Variants in USP5 observed in about 807,000 individuals in gnomAD.
USP5 encodes the protein ubiquitin carboxyl-terminal hydrolase 5.
A neutral mutation model predicts 102.5 loss-of-function variants in USP5; 24 were observed. That is an observed-to-expected ratio of 0.23 (90% CI 0.17 to 0.33). The LOEUF is 0.33. Among genes scored for constraint, USP5 ranks in the 10% least tolerant of loss-of-function variants. The pLI is 1.00. For synonymous variants in USP5, 460 were observed against 434.8 expected, an observed-to-expected ratio of 1.06 and a Z score of -0.72; for missense variants, 753 against 1,122.1, an observed-to-expected ratio of 0.67 and a Z score of 4.70.
rs574311901 is a variant in USP5 at position 6,864,637 on chromosome 12, C to T, written c.2245-85C>T. ...CCGGGAGGCGGAGCTTGCAGTGAGC[C>T]GAGATCGCGCCACTGCACTCCAGCC... On this transcript the variant is annotated intron_variant, in intron 17 of 19. Coordinates refer to ENST00000229268, the MANE Select transcript of USP5 (RefSeq NM_001098536.2). This position sits in a 1 kb window ranked among gnomAD's most constrained non-coding sequence, Gnocchi z 4.8. 247 of 1,467,852 alleles carry T rather than the reference C, an allele frequency of 1.7e-4. 3 individuals carry two copies. The South Asian group carries it at 2.5e-3, about 15-fold the overall frequency. 90.9% of individuals were successfully genotyped at this position (1,467,852 alleles called of 1,614,324 possible).
At chr12:6,852,731 G>A (rs1228503000) in intron 1 of USP5, among the ~76,000 whole-genome samples, 1 of 152,202 alleles carries the variant, frequency 6.6e-6, no homozygotes, top group African/African-American at 2.4e-5. Flanking sequence ...GGGGGGTGGG[G>A]ACCGCAGTTC....
chr12:6,860,313 G>T lies in USP5; in HGVS notation c.1219-53G>T. On this transcript the variant is annotated intron_variant, in intron 10 of 19. Transcript: ENST00000229268. This position sits in a 1 kb window ranked among gnomAD's most constrained non-coding sequence, Gnocchi z 5.5. Reference sequence around the variant, plus strand: ...GAGGTCTGGGAGATGTCTAAAGAAGGCCCCTGGATGGCCACTGAGCCCCAG... The same window carrying T: ...GAGGTCTGGGAGATGTCTAAAGAAGTCCCCTGGATGGCCACTGAGCCCCAG... The T allele has an allele frequency of 6.2e-7, 1 of 1,613,332 alleles. No individual in the cohort carries two copies. Among genetic ancestry groups the T allele is most frequent in the Non-Finnish European group, 8.5e-7 (1 of 1,179,438 alleles).
chr12:6,865,944 C>G, intron 19 of USP5, 40 bp from the exon 20 acceptor site: 1 of 1,571,358 alleles, frequency 6.4e-7, no homozygotes, highest in South Asian at 1.1e-5. Flanking sequence ...CTTTGAATGC[C>G]CAGTTTGTTC....
intron 7 of USP5, 73 bp downstream of exon 7, chr12:6,857,796 G>A: frequency 6.7e-7 from 1 of 1,493,214 alleles, no homozygotes; most frequent in South Asian, 1.1e-5. Context: ...GCCTGAGGCT[G>A]AGGTAGGGTT....
chr12:6,865,153 T>G lies in USP5; in HGVS notation c.2399-11T>G. 2.5e-6 allele frequency: 4 copies of G among 1,608,794 alleles called. No homozygotes were observed. The highest frequency in any genetic ancestry group is 3.4e-6 in the Non-Finnish European group (4 of 1,175,312). On this transcript the variant is annotated splice_polypyrimidine_tract_variant and intron_variant, in intron 18 of 19. Transcript: ENST00000229268. ...CTGTTTCCTTCTCTGACCCCCTCTC[T>G]CCTTTCCTAGAGTATCAGCTCTTTG...
rs1190498669 is a variant in USP5 at position 6,864,415 on chromosome 12, C to T, written c.2244+220C>T. 1.3e-5 allele frequency among the ~76,000 whole-genome samples: 2 copies of T among 152,190 alleles called. No individual in the cohort carries two copies. Among genetic ancestry groups the T allele is most frequent in the African/African-American group, 2.4e-5 (1 of 41,446 alleles). On this transcript the variant is annotated intron_variant, in intron 17 of 19. Coordinates refer to ENST00000229268, the MANE Select transcript of USP5 (RefSeq NM_001098536.2). This position sits in a 1 kb window ranked among gnomAD's most constrained non-coding sequence, Gnocchi z 4.8. ...AATGTAATGCTTCTGTTTGGCCGGG[C>T]GCGGTGGCTCACGCCTGTAATCCCA...
rs1342858171 is a variant in USP5, at chr12:6,861,585, C to T, written c.1641C>T (p.Ser547=). The change falls in exon 13 of 20, where the codon AGC becomes AGT. Residue 547 remains serine (S), a synonymous_variant. Coordinates refer to ENST00000229268, the MANE Select transcript of USP5 (RefSeq NM_001098536.2). The surrounding 1 kb of genome is among the most constrained non-coding windows in gnomAD (Gnocchi z 4.9). ...GAPEQVDDFW[S]TALQAKSVAV... ...CTGAGCAGGTCGATGACTTCTGGAGCACGGCCCTGCAGGCCAAGTCAGTAG... is the reference window on the plus strand; with the variant it reads ...CTGAGCAGGTCGATGACTTCTGGAGTACGGCCCTGCAGGCCAAGTCAGTAG... 1.3e-6 allele frequency: 2 copies of T among 1,585,408 alleles called. No homozygotes were observed. Among genetic ancestry groups the T allele is most frequent in the East Asian group, 2.3e-5 (1 of 44,126 alleles).
rs1565532558 is a variant in USP5, at chr12:6,861,412, CGAAGG to C, written c.1499-30_1499-26del. 6.5e-7 allele frequency: 1 copy of C among 1,538,214 alleles called. No homozygotes were observed. Among genetic ancestry groups the C allele is most frequent in the South Asian group, 1.2e-5 (1 of 80,984 alleles). ...AAGGAGGCAAAGAAGCAGCACCCTCCGAAGGATCCACCAACCCATTCTGTCACCAG... is the reference window on the plus strand; with the variant it reads ...AAGGAGGCAAAGAAGCAGCACCCTCCATCCACCAACCCATTCTGTCACCAG... On this transcript the variant is annotated intron_variant, in intron 12 of 19. Coordinates refer to ENST00000229268, the MANE Select transcript of USP5 (RefSeq NM_001098536.2). The surrounding 1 kb of genome is among the most constrained non-coding windows in gnomAD (Gnocchi z 4.9).
chr12:6,852,438 T>A, intron 1 of USP5, 148 bp downstream of exon 1: 1 of 857,998 alleles, frequency 1.2e-6, no homozygotes, highest in Non-Finnish European at 1.8e-6. Context: ...CCGTTGCCTT[T>A]CATTAACTGC....
At position 6,860,204 on chromosome 12, in the gene USP5, A is replaced by G. The variant is rs2138055928; in HGVS notation, c.1184A>G (p.Glu395Gly). Residue 395 changes from glutamate to glycine, a missense_variant, in exon 10 of 20, where the codon GAG becomes GGG. Glu to Gly is a moderately conservative substitution (Grantham distance 98). Around this residue, in one of 3 missense-constraint regions of USP5, gnomAD observed 527 missense variants for 816.5 expected, o/e 0.65. Coordinates refer to ENST00000229268, the MANE Select transcript of USP5 (RefSeq NM_001098536.2). The surrounding 1 kb of genome is among the most constrained non-coding windows in gnomAD (Gnocchi z 5.5). ...GGGGAGTATTCCAAGCCAGTACCGG[A>G]GTCGGGCGATGGGGAGCGGGTGCCA... ...LSGEYSKPVP[E>G]SGDGERVPEQ... 6.2e-7 allele frequency: 1 copy of G among 1,608,408 alleles called. No homozygotes were observed. The highest frequency in any genetic ancestry group is 1.7e-5 in the Admixed American group (1 of 57,704).
At position 6,856,026 on chromosome 12, in the gene USP5, G is replaced by A. The variant is rs1199683776; in HGVS notation, c.314G>A (p.Gly105Asp). ...KPTRLAIGVE[G>D]GFDLSEEKFE... ...TTCCCTATCCTTCCAGGTGTTGAAGGCGGATTTGACCTTAGCGAGGAGAAG... is the reference window on the plus strand; with the variant it reads ...TTCCCTATCCTTCCAGGTGTTGAAGACGGATTTGACCTTAGCGAGGAGAAG... The change falls in exon 4 of 20, where the codon GGC (glycine) becomes GAC (aspartate). Residue 105 changes from glycine to aspartate, a missense_variant. Gly to Asp is a moderately conservative substitution (Grantham distance 94). Around this residue, in one of 3 missense-constraint regions of USP5, gnomAD observed 527 missense variants for 816.5 expected, o/e 0.65. Transcript: ENST00000229268. This position sits in a 1 kb window ranked among gnomAD's most constrained non-coding sequence, Gnocchi z 5.6. 1 of 1,614,036 alleles carries A rather than the reference G, an allele frequency of 6.2e-7. No individual in the cohort carries two copies. The highest frequency in any genetic ancestry group is 8.5e-7 in the Non-Finnish European group (1 of 1,180,040).
Position 6,855,842 on chromosome 12 carries a change from A to C in USP5, c.304+21A>C. 1 of 1,614,100 alleles carries C rather than the reference A, an allele frequency of 6.2e-7. No homozygotes were observed. The highest frequency in any genetic ancestry group is 8.5e-7 in the Non-Finnish European group (1 of 1,179,974). ...TATTGGTGAGCACCGCTGCAGTCCT[A>C]TTCTTCTCCCTGAGCTGGTCTTTCT... On this transcript the variant is annotated intron_variant, in intron 3 of 19. Coordinates refer to ENST00000229268, the MANE Select transcript of USP5 (RefSeq NM_001098536.2). This position sits in a 1 kb window ranked among gnomAD's most constrained non-coding sequence, Gnocchi z 4.6.
chr12:6,855,329 A>G lies in USP5; in HGVS notation c.112-72A>G, dbSNP rs1944076399. ...CTGGAACCCAGCAGTTTCTGACTCC[A>G]GGTTTTGGTTTCCTCACCTGACCAG... On this transcript the variant is annotated intron_variant, in intron 1 of 19. Transcript: ENST00000229268. This position sits in a 1 kb window ranked among gnomAD's most constrained non-coding sequence, Gnocchi z 4.6. 2 of 1,582,304 alleles carry G rather than the reference A, an allele frequency of 1.3e-6. No individual in the cohort carries two copies. Among genetic ancestry groups the G allele is most frequent in the Admixed American group, 1.8e-5 (1 of 54,930 alleles).
intron 1 of USP5, 92 bp downstream of exon 1, chr12:6,852,382 C>T: frequency 8.0e-7 from 1 of 1,245,990 alleles, no homozygotes; most frequent in Non-Finnish European, 1.1e-6. Flanking sequence ...GCTACCGCCT[C>T]CCTGCGATGC....
Position 6,863,869 on chromosome 12 carries a change from A to G in USP5, c.1994A>G (p.Glu665Gly). 1 of 1,610,880 alleles carries G rather than the reference A, an allele frequency of 6.2e-7. No homozygotes were observed. Among genetic ancestry groups the G allele is most frequent in the Non-Finnish European group, 8.5e-7 (1 of 1,178,026 alleles). The change falls in exon 16 of 20, where the codon GAG becomes GGG. Residue 665 changes from glutamate to glycine, a missense_variant. By Grantham distance (98) the Glu-to-Gly change is moderately conservative (BLOSUM62 -2). Around this residue, in one of 3 missense-constraint regions of USP5, gnomAD observed 193 missense variants for 230.2 expected, o/e 0.84. Transcript: ENST00000229268. The surrounding 1 kb of genome is among the most constrained non-coding windows in gnomAD (Gnocchi z 4.7). ...GAATCAGTCATCATCCAGCTGGTGG[A>G]GATGGGATTCCCTATGGACGCCTGC... The part of the protein sequence containing the change: ...LDESVIIQLV[E>G]MGFPMDACRK...
At position 6,856,173 on chromosome 12, in the gene USP5, C is replaced by T; in HGVS notation, c.438+23C>T. On this transcript the variant is annotated intron_variant, in intron 4 of 19. Transcript: ENST00000229268. This position sits in a 1 kb window ranked among gnomAD's most constrained non-coding sequence, Gnocchi z 5.6. ...CGGGTATGACTGCCCCCTATGCTAC[C>T]CAAGATTCTAGAGCAAGATGGGCCA... 1 of 1,613,660 alleles carries T rather than the reference C, an allele frequency of 6.2e-7. No individual in the cohort carries two copies. Among genetic ancestry groups the T allele is most frequent in the Non-Finnish European group, 8.5e-7 (1 of 1,179,768 alleles).
chr12:6,864,126 G>A lies in USP5; in HGVS notation c.2175G>A (p.Glu725=), dbSNP rs141809797. 5.3e-5 allele frequency: 85 copies of A among 1,614,088 alleles called. No individual in the cohort carries two copies. The African/African-American group carries it at 1.0e-3, about 19-fold the overall frequency. ...STSAAADPPP[E]DCVTTIVSMG... ...GCGCAGCAGCCGACCCCCCTCCTGAGGACTGTGTGACCACCATTGTCTCCA... is the reference window on the plus strand; with the variant it reads ...GCGCAGCAGCCGACCCCCCTCCTGAAGACTGTGTGACCACCATTGTCTCCA... The change falls in exon 17 of 20, where the codon GAG becomes GAA. Residue 725 remains glutamate, a synonymous_variant. Transcript: ENST00000229268. The surrounding 1 kb of genome is among the most constrained non-coding windows in gnomAD (Gnocchi z 4.8).
At position 6,863,744 on chromosome 12, in the gene USP5, T is replaced by C. The variant is rs1944343657; in HGVS notation, c.1955-86T>C. ...GAGAAAAATGCATGGAATGGGTGAT[T>C]GGAAGAGGGCTGGGTCCTGGGGGAG... On this transcript the variant is annotated intron_variant, in intron 15 of 19. Coordinates refer to ENST00000229268, the MANE Select transcript of USP5 (RefSeq NM_001098536.2). This position sits in a 1 kb window ranked among gnomAD's most constrained non-coding sequence, Gnocchi z 4.7. The C allele has an allele frequency of 2.7e-6, 4 of 1,482,910 alleles. No individual in the cohort carries two copies. In the East Asian group the frequency reaches 7.1e-5, roughly 26 times the overall value. The allele number at this position is 1,482,910 out of a possible 1,614,324, so 91.9% of individuals were successfully genotyped here.
At position 6,862,766 on chromosome 12, in the gene USP5, G is replaced by C. The variant is rs113823591; in HGVS notation, c.1762+208G>C. ...TTATAGGTATGATTTACAACCAAAAGTGATTTTTGTAGTTTTTTAAAATAA... is the reference window on the plus strand; with the variant it reads ...TTATAGGTATGATTTACAACCAAAACTGATTTTTGTAGTTTTTTAAAATAA... On this transcript the variant is annotated intron_variant, in intron 14 of 19. Coordinates refer to ENST00000229268, the MANE Select transcript of USP5 (RefSeq NM_001098536.2). Among the ~76,000 whole-genome samples, 462 of 152,236 alleles carry C rather than the reference G, an allele frequency of 3.0e-3. 1 individual carries two copies. Among genetic ancestry groups the C allele is most frequent in the African/African-American group, 8.3e-3 (345 of 41,532 alleles).
Sources: gnomAD v4.1 joint callset for allele counts (sites outside exome capture counted in the v4.1 genomes callset) on GRCh38, gnomAD v4.1.1 for gene constraint, gnomAD v4.1.1 regional missense constraint, Gnocchi (gnomAD v3.1) non-coding constraint, MANE v1.5 for transcripts, NCBI Gene and HGNC (gene_info 2026-07-23, HGNC 2026-07-21) for gene names.